Variants in DLGAP1 observed in about 807,000 individuals in gnomAD.
DLGAP1 encodes the protein DLG associated protein 1, also known as disks large-associated protein 1.
In DLGAP1, 11 loss-of-function variants were observed where a neutral mutation model predicts 90.8. The observed-to-expected ratio is 0.12, with a 90% CI of 0.08 to 0.20. DLGAP1 has a LOEUF of 0.20. Ranked by LOEUF, DLGAP1 falls within the 10% of genes least tolerant of loss-of-function variation. The pLI, the probability that DLGAP1 is intolerant of heterozygous loss-of-function variation, is 1.00. For synonymous variants in DLGAP1, 558 were observed against 540.7 expected (o/e 1.03, Z -0.44); for missense variants, 1,050 against 1,333.8 (o/e 0.79, Z 3.31).
chr18:3,994,900 T>C (rs970366668), intron 3 of DLGAP1, among the ~76,000 whole-genome samples: 4 of 151,524 alleles, frequency 2.6e-5, no homozygotes, highest in Non-Finnish European at 5.9e-5. Context: ...AATAGATTTG[T>C]TACTTGACTA....
intron 5 of DLGAP1, among the ~76,000 whole-genome samples, chr18:3,767,829 AAGAC>A (rs1461751923): frequency 1.3e-5 from 2 of 152,240 alleles, no homozygotes; most frequent in South Asian, 2.1e-4. Context: ...TTAATGGTGA[AAGAC>A]AGAATGTTTT....
At chr18:4,085,455 T>A (rs1018900964) in intron 2 of DLGAP1, among the ~76,000 whole-genome samples, 1 of 151,294 alleles carries the variant, frequency 6.6e-6, no homozygotes, top group Non-Finnish European at 1.5e-5. Context: ...ATTCCCTTCT[T>A]ACCACAGGAG....
chr18:4,233,997 T>G (rs751185080), intron 1 of DLGAP1, among the ~76,000 whole-genome samples: 1 of 152,100 alleles, frequency 6.6e-6, no homozygotes, highest in Non-Finnish European at 1.5e-5. Flanking sequence ...TTAAATATCT[T>G]AATTTTCACT....
At position 4,443,313 on chromosome 18, in the gene DLGAP1, C is replaced by T. The variant is rs576906452; in HGVS notation, c.-267+11693G>A. Among the ~76,000 whole-genome samples, 54 of 152,300 alleles carry T rather than the reference C, an allele frequency of 3.5e-4. 1 individual carries two copies. The highest frequency in any genetic ancestry group is 1.2e-3 in the African/African-American group (50 of 41,584). The stretch of plus-strand genomic sequence containing the variant: ...AATAAGCTCTGTTTGCTCCCACTTC[C>T]CCTCACCAGTTCTGTTCCTGGATCA... On this transcript the variant is annotated intron_variant, in intron 1 of 12. Transcript: ENST00000315677.
intron 8 of DLGAP1, among the ~76,000 whole-genome samples, chr18:3,574,368 G>A (rs2145249087): frequency 6.6e-6 from 1 of 152,152 alleles, no homozygotes; most frequent in South Asian, 2.1e-4. Context: ...TTTTTGTTAG[G>A]TCATAACTAT....
At chr18:4,173,194 G>C (rs1397451912) in intron 1 of DLGAP1, among the ~76,000 whole-genome samples, 1 of 152,180 alleles carries the variant, frequency 6.6e-6, no homozygotes, top group Non-Finnish European at 1.5e-5. Flanking sequence ...ATTAGCTGAA[G>C]AACCAAGAGC....
chr18:4,405,894 C>T (rs768271936), intron 1 of DLGAP1, among the ~76,000 whole-genome samples: 2 of 152,054 alleles, frequency 1.3e-5, no homozygotes, highest in Non-Finnish European at 2.9e-5. Context: ...AAAGTACAAA[C>T]AAAGCAACTA....
chr18:3,970,541 G>A (rs1249267149), intron 3 of DLGAP1, among the ~76,000 whole-genome samples: 3 of 152,088 alleles, frequency 2.0e-5, no homozygotes, highest in Non-Finnish European at 4.4e-5. Flanking sequence ...AGAAATGTGT[G>A]GGACATGAGA....
In DLGAP1 at chr18:4,342,677, C is replaced by T. The variant is rs965468346; in HGVS notation, c.-267+112329G>A. On this transcript the variant is annotated intron_variant, in intron 1 of 12. Coordinates refer to ENST00000315677, the MANE Select transcript of DLGAP1 (RefSeq NM_004746.4). This position sits in a 1 kb window ranked among gnomAD's most constrained non-coding sequence, Gnocchi z 5.8. ...TTGGTTTTGGTTAATACTACATTTG[C>T]CACAAATCTGCAGATGTATGTTGAA... 1.3e-5 allele frequency among the ~76,000 whole-genome samples: 2 copies of T among 152,146 alleles called. No homozygotes were observed. The highest frequency in any genetic ancestry group is 2.9e-5 in the Non-Finnish European group (2 of 68,020).
intron 9 of DLGAP1, among the ~76,000 whole-genome samples, chr18:3,546,414 CA>C (rs58897010): frequency 0.74 from 90,260 of 122,286 alleles, 32,440 homozygotes; most frequent in Non-Finnish European, 0.8. Context: ...AACCTTGTCT[CA>C]AAAAAAAAAA....
intron 2 of DLGAP1, among the ~76,000 whole-genome samples, chr18:4,036,958 T>G (rs1033594883): frequency 1.3e-5 from 2 of 152,254 alleles, no homozygotes; most frequent in Non-Finnish European, 2.9e-5. Context: ...AAACTGCTTT[T>G]GCCTGACAAA....
intron 2 of DLGAP1, among the ~76,000 whole-genome samples, chr18:4,021,259 G>C (rs991350098): frequency 6.6e-6 from 1 of 152,154 alleles, no homozygotes; most frequent in Non-Finnish European, 1.5e-5. Context: ...AGAATCCATG[G>C]AGCAGTTACA....
Position 3,658,741 on chromosome 18 carries a change from T to C in DLGAP1, c.1591+70394A>G, listed in dbSNP as rs111771085. On this transcript the variant is annotated intron_variant, in intron 7 of 12. Transcript: ENST00000315677. ...TGACCTCATCTTTTCAGAGTAGAAT[T>C]CTTATATACATCAGAATATCAAGTT... Among the ~76,000 whole-genome samples the C allele has an allele frequency of 8.0e-3, 1,225 of 152,336 alleles. 13 individuals carry two copies. The highest frequency in any genetic ancestry group is 9.2e-3 in the Non-Finnish European group (624 of 68,036).
chr18:3,660,200 G>C lies in DLGAP1; in HGVS notation c.1591+68935C>G, dbSNP rs1158693889. On this transcript the variant is annotated intron_variant, in intron 7 of 12. Coordinates refer to ENST00000315677, the MANE Select transcript of DLGAP1 (RefSeq NM_004746.4). This position sits in a 1 kb window ranked among gnomAD's most constrained non-coding sequence, Gnocchi z 4.2. ...ATTTTTTAAAAGGATTGGGGGTGGG[G>C]GTCTCACTTTGTTGGCCAGCCTGGC... is the stretch of plus-strand genomic sequence containing the variant. Among the ~76,000 whole-genome samples, 2 of 151,968 alleles carry C rather than the reference G, an allele frequency of 1.3e-5. No individual in the cohort carries two copies. The highest frequency in any genetic ancestry group is 1.9e-4 in the East Asian group (1 of 5,188).
intron 2 of DLGAP1, among the ~76,000 whole-genome samples, chr18:4,128,644 G>A (rs2076267891): frequency 6.6e-6 from 1 of 152,138 alleles, no homozygotes; most frequent in African/African-American, 2.4e-5. Context: ...AGAGACACGG[G>A]TCCTTACAAA....
chr18:3,984,809 T>G (rs1004127573), intron 3 of DLGAP1, among the ~76,000 whole-genome samples: 7 of 152,082 alleles, frequency 4.6e-5, no homozygotes, highest in African/African-American at 1.7e-4. Flanking sequence ...TGTTAATCCA[T>G]CTCGGTGTTT....
chr18:4,426,229 T>A (rs1378694929), intron 1 of DLGAP1, among the ~76,000 whole-genome samples: 2 of 152,146 alleles, frequency 1.3e-5, no homozygotes, highest in African/African-American at 4.8e-5. Flanking sequence ...AACCCCCATC[T>A]CCACACCCTT....
intron 9 of DLGAP1, among the ~76,000 whole-genome samples, chr18:3,547,083 C>T (rs2053079586): frequency 6.6e-6 from 1 of 151,862 alleles, no homozygotes; most frequent in Non-Finnish European, 1.5e-5. Flanking sequence ...AGGTGGATCA[C>T]GAGGTCAGGA....
intron 7 of DLGAP1, chr18:3,722,436 T>C (rs376364269): frequency 6.6e-6 from 1 of 152,320 alleles, no homozygotes; most frequent in East Asian, 1.9e-4. Flanking sequence ...AAATCATCAC[T>C]GTCAGTTTCC....
Sources: gnomAD v4.1 joint callset for allele counts (sites outside exome capture counted in the v4.1 genomes callset) on GRCh38, gnomAD v4.1.1 for gene constraint, Gnocchi (gnomAD v3.1) non-coding constraint, MANE v1.5 for transcripts, NCBI Gene and HGNC (gene_info 2026-07-23, HGNC 2026-07-21) for gene names.